Variants in FAM135B observed in about 807,000 individuals in gnomAD.
The protein encoded by FAM135B is family with sequence similarity 135 member B, also known as protein FAM135B.
A neutral mutation model predicts 127.7 loss-of-function variants in FAM135B; 43 were observed. That is an observed-to-expected ratio of 0.34 (90% CI 0.26 to 0.43). The LOEUF is 0.43. Among genes scored for constraint, FAM135B ranks in the 20% least tolerant of loss-of-function variants. The pLI, the probability that FAM135B is intolerant of heterozygous loss-of-function variation, is 1.00. For missense variants in FAM135B, 1,558 were observed against 1,725.6 expected (o/e 0.90, Z 1.72); for synonymous variants, 670 against 665.1 (o/e 1.01, Z -0.11).
intron 1 of FAM135B, among the ~76,000 whole-genome samples, chr8:138,400,889 C>A (rs1833121896): frequency 6.6e-6 from 1 of 152,140 alleles, no homozygotes; most frequent in East Asian, 1.9e-4. Flanking sequence ...AGACTATATG[C>A]AATTTATTTC....
At chr8:138,328,190 G>A (rs778540339) in intron 2 of FAM135B, among the ~76,000 whole-genome samples, 2 of 152,078 alleles carry the variant, frequency 1.3e-5, no homozygotes, top group Non-Finnish European at 2.9e-5. Context: ...GAAATTTTGT[G>A]CATGTTGCAT....
At position 138,141,394 on chromosome 8, in the gene FAM135B, C is replaced by T. The variant is rs2130601329; in HGVS notation, c.3639-45G>A. 2 of 1,602,302 alleles carry T rather than the reference C, an allele frequency of 1.2e-6. No homozygotes were observed. Among genetic ancestry groups the T allele is most frequent in the Admixed American group, 3.3e-5 (2 of 59,884 alleles). On this transcript the variant is annotated intron_variant, in intron 16 of 19. Coordinates refer to ENST00000395297, the MANE Select transcript of FAM135B (RefSeq NM_015912.4). This position sits in a 1 kb window ranked among gnomAD's most constrained non-coding sequence, Gnocchi z 4.7. Reference sequence around the variant, plus strand: ...GTACCCATGAGTGTGACGGTGAATGCTGCTGCCCAAGAGTGCAGTGCTGGA... The same window carrying T: ...GTACCCATGAGTGTGACGGTGAATGTTGCTGCCCAAGAGTGCAGTGCTGGA...
chr8:138,307,698 C>T (rs1217504111), intron 3 of FAM135B, among the ~76,000 whole-genome samples: 2 of 141,894 alleles, frequency 1.4e-5, no homozygotes, highest in Non-Finnish European at 3.0e-5. Flanking sequence ...CTCTCTGAAA[C>T]CCTAGGCAAA....
At chr8:138,329,248 C>T (rs1283552172) in intron 2 of FAM135B, among the ~76,000 whole-genome samples, 2 of 152,180 alleles carry the variant, frequency 1.3e-5, no homozygotes, top group African/African-American at 2.4e-5. Flanking sequence ...AACACACTCA[C>T]CAACTGTTTT....
chr8:138,372,853 C>T (rs1215689075), intron 1 of FAM135B, among the ~76,000 whole-genome samples: 1 of 152,126 alleles, frequency 6.6e-6, no homozygotes, highest in African/African-American at 2.4e-5. Flanking sequence ...AGCTTTCTAG[C>T]CATCCCAGCT....
At chr8:138,326,377 C>T (rs1827798685) in intron 2 of FAM135B, among the ~76,000 whole-genome samples, 1 of 152,124 alleles carries the variant, frequency 6.6e-6, no homozygotes, top group Non-Finnish European at 1.5e-5. Context: ...GTCCTCTTCC[C>T]TTTGGATTCA....
At chr8:138,353,799 T>C (rs371328936) in intron 2 of FAM135B, among the ~76,000 whole-genome samples, 86 of 152,256 alleles carry the variant, frequency 5.6e-4, no homozygotes, top group African/African-American at 2.0e-3. Flanking sequence ...TAGTGTTGTA[T>C]AGTCACTGAG....
chr8:138,198,410 G>A (rs184437476), intron 7 of FAM135B, among the ~76,000 whole-genome samples: 13 of 152,252 alleles, frequency 8.5e-5, no homozygotes, highest in African/African-American at 2.2e-4. Flanking sequence ...CCCCACTACT[G>A]CAGGGTGCAC....
At chr8:138,272,008 T>C (rs1157253260) in intron 3 of FAM135B, among the ~76,000 whole-genome samples, 1 of 152,132 alleles carries the variant, frequency 6.6e-6, no homozygotes, top group African/African-American at 2.4e-5. Context: ...AATGTTTTTT[T>C]TTTTTAATTT....
At chr8:138,193,054 CA>C (rs2131093974) in intron 9 of FAM135B, among the ~76,000 whole-genome samples, 1 of 152,276 alleles carries the variant, frequency 6.6e-6, no homozygotes, top group South Asian at 2.1e-4. Flanking sequence ...GATTCTCCAT[CA>C]CTACCACCCA....
Position 138,310,846 on chromosome 8 carries a change from T to C in FAM135B, c.152A>G (p.Gln51Arg). The C allele has an allele frequency of 6.2e-7, 1 of 1,613,796 alleles. No individual in the cohort carries two copies. Among genetic ancestry groups the C allele is most frequent in the Non-Finnish European group, 8.5e-7 (1 of 1,179,884 alleles). ...ATTGCCATTCTTCTGCTCACCTGTC[T>C]GCCCAGCGATGGAGGCACTCAGTCT... ...PHRLSASIAG[Q>R]TESSSLHSAC... is the part of the protein sequence containing the mutation. Residue 51 changes from glutamine to arginine, a missense_variant, in exon 3 of 20, where the codon CAG becomes CGG. This residue lies in a region of FAM135B where 199 missense variants were observed against 245.7 expected (regional missense o/e 0.81). Transcript: ENST00000395297.
intron 14 of FAM135B, among the ~76,000 whole-genome samples, chr8:138,146,579 A>G (rs1017110835): frequency 6.6e-6 from 1 of 152,152 alleles, no homozygotes; most frequent in Admixed American, 6.5e-5. Flanking sequence ...GAGACATGGC[A>G]GAGCAAGCTC....
At chr8:138,253,304 G>A (rs1022745068) in intron 5 of FAM135B, among the ~76,000 whole-genome samples, 3 of 152,158 alleles carry the variant, frequency 2.0e-5, no homozygotes, top group African/African-American at 7.2e-5. Context: ...GTGCAAACAG[G>A]TTCTGATGGG....
In FAM135B at chr8:138,274,977, T is replaced by C. The variant is rs1482583392; in HGVS notation, c.158-9135A>G. On this transcript the variant is annotated intron_variant, in intron 3 of 19. Coordinates refer to ENST00000395297, the MANE Select transcript of FAM135B (RefSeq NM_015912.4). ...CAATTATTACAGGGTCCTGAGGCGA[T>C]ATACATCCTCCTCAGCTGACAGGAT... Among the ~76,000 whole-genome samples, 4 of 152,146 alleles carry C rather than the reference T, an allele frequency of 2.6e-5. No individual in the cohort carries two copies. The East Asian group carries it at 5.8e-4, about 22-fold the overall frequency.
At chr8:138,474,617 G>GTC (rs1374849397) in intron 1 of FAM135B, among the ~76,000 whole-genome samples, 2 of 152,136 alleles carry the variant, frequency 1.3e-5, no homozygotes, top group Non-Finnish European at 2.9e-5. Context: ...CCTACACACA[G>GTC]TCACACAGCT....
intron 12 of FAM135B, among the ~76,000 whole-genome samples, chr8:138,160,018 GAA>G (rs1445337042): frequency 1.3e-5 from 2 of 152,136 alleles, no homozygotes; most frequent in African/African-American, 4.8e-5. Flanking sequence ...TGATTTCTGG[GAA>G]AGAGTGGCCT....
rs1586859826 is a variant in FAM135B, at chr8:138,241,629, T to C, written c.669+1313A>G. Among the ~76,000 whole-genome samples the C allele has an allele frequency of 6.6e-6, 1 of 152,296 alleles. No homozygotes were observed. The highest frequency in any genetic ancestry group is 1.9e-4 in the East Asian group (1 of 5,168). On this transcript the variant is annotated intron_variant, in intron 7 of 19. Transcript: ENST00000395297. The surrounding 1 kb of genome is among the most constrained non-coding windows in gnomAD (Gnocchi z 4.8). ...GAACAGTCTGTGCACAGAGCCTGAC[T>C]GTATAGGAGGATAGAACACCTCTTT...
At chr8:138,475,645 C>A (rs1814386145) in intron 1 of FAM135B, among the ~76,000 whole-genome samples, 1 of 152,180 alleles carries the variant, frequency 6.6e-6, no homozygotes, top group East Asian at 1.9e-4. Flanking sequence ...TCCGCTGCCT[C>A]TGCCTTAGTT....
Position 138,461,708 on chromosome 8 carries a change from C to T in FAM135B, c.-20+34963G>A, listed in dbSNP as rs934026241. ...AAAATGAAGCTCAGACGTCAGTAGT[C>T]TATGTAAATCATCCTAGGACCTCAC... is the stretch of plus-strand genomic sequence containing the variant. On this transcript the variant is annotated intron_variant, in intron 1 of 19. Coordinates refer to ENST00000395297, the MANE Select transcript of FAM135B (RefSeq NM_015912.4). Among the ~76,000 whole-genome samples, 24 of 152,290 alleles carry T rather than the reference C, an allele frequency of 1.6e-4. 1 individual carries two copies. The highest frequency in any genetic ancestry group is 7.2e-4 in the Admixed American group (11 of 15,308).
Sources: gnomAD v4.1 joint callset for allele counts (sites outside exome capture counted in the v4.1 genomes callset) on GRCh38, gnomAD v4.1.1 for gene constraint, gnomAD v4.1.1 regional missense constraint, Gnocchi (gnomAD v3.1) non-coding constraint, MANE v1.5 for transcripts, NCBI Gene and HGNC (gene_info 2026-07-23, HGNC 2026-07-21) for gene names.